The following GP2 variants were observed in gnomAD, a reference collection of about 807,000 sequenced individuals.
GP2 encodes pancreatic secretory granule membrane major glycoprotein GP2.
In GP2, 58 loss-of-function variants were observed where a neutral mutation model predicts 60.8. The ratio of observed to expected loss-of-function variants is 0.95; its 90% CI spans 0.77 to 1.19. The LOEUF (loss-of-function observed/expected upper bound fraction) is 1.19, where lower values mean the gene tolerates loss of function less well. Ranked by LOEUF, GP2 falls within the 50% of genes most tolerant of loss-of-function variation. The pLI, the probability that GP2 is intolerant of heterozygous loss-of-function variation, is 0.00. For missense variants in GP2, 647 were observed against 667.4 expected, an observed-to-expected ratio of 0.97 and a Z score of 0.34; for synonymous variants, 280 against 253.4, an observed-to-expected ratio of 1.10 and a Z score of -1.00.
rs984980463 is a variant in GP2, at chr16:20,324,132, G to C, written c.219C>G (p.Phe73Leu). ...CQNYTLLDEPFRSTENSAGSQ... is the reference protein window; with the variant it reads ...CQNYTLLDEPLRSTENSAGSQ... ...ACCCTGCTGAGTTCTCTGTGCTTCGGAAGGGTTCATCCAGGAGGGTGTAAT... is the reference window on the plus strand; with the variant it reads ...ACCCTGCTGAGTTCTCTGTGCTTCGCAAGGGTTCATCCAGGAGGGTGTAAT... Residue 73 changes from phenylalanine (F) to leucine (L), a missense_variant, in exon 3 of 11, where the codon TTC becomes TTG. Physicochemically the swap from Phe to Leu is conservative, Grantham distance 22. Coordinates refer to ENST00000302555, the MANE Select transcript of GP2 (RefSeq NM_001502.4). 1.2e-6 allele frequency: 2 copies of C among 1,613,990 alleles called. No individual in the cohort carries two copies. Among genetic ancestry groups the C allele is most frequent in the African/African-American group, 1.3e-5 (1 of 74,936 alleles).
At chr16:20,323,487 C>CA in intron 3 of GP2, 1 of 253,178 alleles carries the variant, frequency 3.9e-6, no homozygotes, top group Non-Finnish European at 8.6e-6. Flanking sequence ...TTTGCTGTAC[C>CA]CCCCCCCCCT....
At chr16:20,326,535 A>C in intron 1 of GP2, 68 bp from the exon 2 acceptor site, 2 of 1,270,012 alleles carry the variant, frequency 1.6e-6, no homozygotes, top group Non-Finnish European at 2.2e-6. Context: ...AGATCCGTTG[A>C]CTTCCTTCAT....
chr16:20,323,496 C>T lies in GP2; in HGVS notation c.535+320G>A, dbSNP rs369564912. On this transcript the variant is annotated intron_variant, in intron 3 of 10. Coordinates refer to ENST00000302555, the MANE Select transcript of GP2 (RefSeq NM_001502.4). ...GTTATTTTTGCTGTACCCCCCCCCC[C>T]TTTTTTTCAGATCAGAACACTGAGG... 6.7e-4 allele frequency: 254 copies of T among 378,486 alleles called. 2 individuals carry two copies. The highest frequency in any genetic ancestry group is 1.9e-3 in the South Asian group (76 of 40,570). The allele number at this position is 378,486 out of a possible 1,614,324, so 23.4% of individuals were successfully genotyped here.
At chr16:20,313,399 TAC>T (rs1362096849) in intron 10 of GP2, among the ~76,000 whole-genome samples, 2 of 152,280 alleles carry the variant, frequency 1.3e-5, no homozygotes, top group East Asian at 3.9e-4. Flanking sequence ...CCTTATCCAA[TAC>T]AGTTATTTAG....
chr16:20,319,578 T>A (rs775529788), intron 6 of GP2, 42 bp downstream of exon 6: 2 of 1,479,332 alleles, frequency 1.4e-6, no homozygotes, highest in Admixed American at 3.4e-5. Context: ...GATGTGACTA[T>A]TGCCAGGGTT....
intron 3 of GP2, chr16:20,323,274 A>T: frequency 1.3e-5 from 9 of 688,110 alleles, no homozygotes. Context: ...TGCTGGAGCT[A>T]GAATGCCAAG....
At position 20,310,855 on chromosome 16, in the gene GP2, C is replaced by T. The variant is rs746355365; in HGVS notation, c.*368G>A. 4.3e-4 allele frequency: 78 copies of T among 180,560 alleles called. No individual in the cohort carries two copies. The highest frequency in any genetic ancestry group is 1.1e-3 in the South Asian group (10 of 9,226). 11.2% of individuals were successfully genotyped at this position (180,560 alleles called of 1,614,324 possible). On this transcript the variant is annotated 3_prime_UTR_variant, in exon 11 of 11. Coordinates refer to ENST00000302555, the MANE Select transcript of GP2 (RefSeq NM_001502.4). ...CACTGCAACCTCCACCCCCTGAGTT[C>T]GAGCAATTCTCCTGCCTTGGCCTCC...
intron 10 of GP2, among the ~76,000 whole-genome samples, chr16:20,313,514 G>A (rs554664985): frequency 2.0e-5 from 3 of 152,172 alleles, no homozygotes; most frequent in South Asian, 4.2e-4. Context: ...ATGCATATGG[G>A]GCTCATTCCC....
At chr16:20,315,052 C>T (rs1964118612) in intron 9 of GP2, among the ~76,000 whole-genome samples, 1 of 152,102 alleles carries the variant, frequency 6.6e-6, no homozygotes, top group African/African-American at 2.4e-5. Flanking sequence ...AGTGGAAGTT[C>T]CTAACCTCCA....
chr16:20,322,742 C>T (rs1964403730), intron 4 of GP2, 127 bp downstream of exon 4: 4 of 598,704 alleles, frequency 6.7e-6, no homozygotes, highest in Non-Finnish European at 1.2e-5. Flanking sequence ...ATTGGAGAGC[C>T]CACATTCCCT....
At chr16:20,321,802 G>A (rs1392728671) in intron 4 of GP2, among the ~76,000 whole-genome samples, 1 of 152,162 alleles carries the variant, frequency 6.6e-6, no homozygotes, top group African/African-American at 2.4e-5. Context: ...TGCAAGCAAT[G>A]GGGCCCACTG....
chr16:20,314,899 C>G (rs760115382), intron 9 of GP2, among the ~76,000 whole-genome samples, 198 bp from the exon 10 acceptor site: 6 of 152,186 alleles, frequency 3.9e-5, no homozygotes, highest in Non-Finnish European at 8.8e-5. Context: ...CTTAATCCTC[C>G]TAACAGATTT....
chr16:20,324,558 A>G (rs1316152614), intron 2 of GP2, among the ~76,000 whole-genome samples: 2 of 152,096 alleles, frequency 1.3e-5, no homozygotes, highest in African/African-American at 4.8e-5. Context: ...TTTGACCAAT[A>G]TTTGTTTTTC....
In GP2 at chr16:20,319,606, G is replaced by A. The variant is rs765805102; in HGVS notation, c.1007+14C>T. 4 of 1,600,692 alleles carry A rather than the reference G, an allele frequency of 2.5e-6. No homozygotes were observed. The highest frequency in any genetic ancestry group is 3.4e-6 in the Non-Finnish European group (4 of 1,167,896). ...CCAGGGTTATGGGTCAAAGGGCAAG[G>A]GTCAATGCCATACCTTACAATGGGC... On this transcript the variant is annotated intron_variant, in intron 6 of 10. Transcript: ENST00000302555.
chr16:20,320,352 TG>T lies in GP2; in HGVS notation c.767del (p.Pro256GlnfsTer17), dbSNP rs1291324530. 2 of 1,613,982 alleles carry T rather than the reference TG, an allele frequency of 1.2e-6. No homozygotes were observed. The highest frequency in any genetic ancestry group is 1.7e-6 in the Non-Finnish European group (2 of 1,179,948). On this transcript the variant is annotated frameshift_variant, in exon 5 of 11. Transcript: ENST00000302555. LOFTEE classifies it high-confidence loss of function. ...CTGTCTGCAAGATGCTGCTGCAGTT[TG>T]GGTCTCGCAGGTAGGCAATGACCTC... is the stretch of plus-strand genomic sequence containing the variant. ...GEEVIAYLRD[P>X]NCSSILQTEE...
At chr16:20,321,222 C>T (rs1028305396) in intron 4 of GP2, among the ~76,000 whole-genome samples, 1 of 152,070 alleles carries the variant, frequency 6.6e-6, no homozygotes, top group Non-Finnish European at 1.5e-5. Flanking sequence ...GCCACCACAC[C>T]TGGCTAATTT....
chr16:20,320,784 T>C (rs1393928641), intron 4 of GP2, among the ~76,000 whole-genome samples: 1 of 152,214 alleles, frequency 6.6e-6, no homozygotes, highest in Non-Finnish European at 1.5e-5. Flanking sequence ...ATATGCTACC[T>C]TGTTGAGTCA....
intron 3 of GP2, 124 bp downstream of exon 3, chr16:20,323,692 G>C (rs766368627): frequency 5.2e-5 from 34 of 654,434 alleles, no homozygotes; most frequent in Non-Finnish European, 8.3e-5. Context: ...CACTGGGCAG[G>C]AGCTGAGTCG....
Position 20,320,387 on chromosome 16 carries a change from A to C in GP2, c.733T>G (p.Leu245Val). Residue 245 changes from leucine (L) to valine (V), a missense_variant, in exon 5 of 11, where the codon TTG becomes GTG. Transcript: ENST00000302555. Reference protein sequence around the residue: ...VDKCLLGGLGLGEEVIAYLRD... With the variant: ...VDKCLLGGLGVGEEVIAYLRD... ...AGGTAGGCAATGACCTCCTCCCCCAAACCCAGGCCTCCCAGCAAACATTTG... is the reference window on the plus strand; with the variant it reads ...AGGTAGGCAATGACCTCCTCCCCCACACCCAGGCCTCCCAGCAAACATTTG... The C allele has an allele frequency of 6.2e-7, 1 of 1,613,864 alleles. No individual in the cohort carries two copies. The highest frequency in any genetic ancestry group is 8.5e-7 in the Non-Finnish European group (1 of 1,179,784).
Sources: gnomAD v4.1 joint callset for allele counts (sites outside exome capture counted in the v4.1 genomes callset) on GRCh38, gnomAD v4.1.1 for gene constraint, MANE v1.5 for transcripts, NCBI Gene and HGNC (gene_info 2026-07-23, HGNC 2026-07-21) for gene names.